Variants in NUMB observed in about 807,000 individuals in gnomAD.
The protein encoded by NUMB is NUMB endocytic adaptor protein.
Under a neutral mutation model 59.7 loss-of-function variants are expected in NUMB, and 29 were observed. The observed-to-expected ratio is 0.49, with a 90% CI of 0.36 to 0.66. The LOEUF (loss-of-function observed/expected upper bound fraction) is 0.66. NUMB is among the 30% of genes least tolerant of loss of function. NUMB has a pLI of 0.00. For missense variants in NUMB, 723 were observed against 822.0 expected (o/e 0.88, Z 1.47); for synonymous variants, 288 against 288.2 (o/e 1.00, Z 0.01).
At chr14:73,379,205 C>G (rs774263703) in intron 2 of NUMB, among the ~76,000 whole-genome samples, 3 of 152,174 alleles carry the variant, frequency 2.0e-5, no homozygotes, top group Admixed American at 2.0e-4. Flanking sequence ...TATCAAAAAT[C>G]ATTTCTCAAA....
intron 3 of NUMB, among the ~76,000 whole-genome samples, chr14:73,360,162 T>C (rs1894031266): frequency 6.6e-6 from 1 of 152,276 alleles, no homozygotes; most frequent in African/African-American, 2.4e-5. Flanking sequence ...ACTCTCACTA[T>C]TCAGTGAGTC....
intron 1 of NUMB, among the ~76,000 whole-genome samples, chr14:73,426,940 G>A (rs1043470835): frequency 3.3e-5 from 5 of 152,124 alleles, no homozygotes; most frequent in African/African-American, 1.2e-4. Context: ...CTTGAGTCTG[G>A]GAGGTCCGGG....
intron 4 of NUMB, among the ~76,000 whole-genome samples, chr14:73,351,019 G>A (rs755894054): frequency 1.8e-4 from 28 of 152,076 alleles, no homozygotes; most frequent in Non-Finnish European, 3.5e-4. Context: ...GTGCTTTTCT[G>A]GGTTGGAGTT....
At chr14:73,313,789 C>G (rs1354222118) in intron 6 of NUMB, among the ~76,000 whole-genome samples, 1 of 149,924 alleles carries the variant, frequency 6.7e-6, no homozygotes, top group African/African-American at 2.4e-5. Context: ...TAGTTTGAAC[C>G]ACTAAAAAAG....
chr14:73,276,859 G>A lies in NUMB; in HGVS notation c.1675C>T (p.Gln559Ter). 6.2e-7 allele frequency: 1 copy of A among 1,614,106 alleles called. No homozygotes were observed. The highest frequency in any genetic ancestry group is 8.5e-7 in the Non-Finnish European group (1 of 1,179,990). ...HPHQSPSLVR[Q>*]QTFPHYEASS... is the part of the protein sequence containing the mutation. ...GCCTCGTAGTGAGGGAATGTCTGCT[G>A]CCTGACCAGGCTGGGTGACTGATGG... Residue 559 changes from glutamine (Q) to a stop codon, truncating the protein, a stop_gained, in exon 13 of 13, where the codon CAG becomes TAG. Transcript: ENST00000555238. LOFTEE classifies it high-confidence loss of function.
intron 2 of NUMB, among the ~76,000 whole-genome samples, chr14:73,375,785 T>C (rs1424522229): frequency 6.6e-6 from 1 of 152,198 alleles, no homozygotes; most frequent in Admixed American, 6.5e-5. Flanking sequence ...ATCCATCATA[T>C]TAACAGGCTA....
At chr14:73,449,606 C>A (rs1384472420) in intron 1 of NUMB, among the ~76,000 whole-genome samples, 1 of 152,172 alleles carries the variant, frequency 6.6e-6, no homozygotes, top group Non-Finnish European at 1.5e-5. Context: ...ATATTAGCTT[C>A]ATTTACCCCA....
rs181609352 is a variant in NUMB, at chr14:73,376,004, A to C, written c.-100-9023T>G. Among the ~76,000 whole-genome samples the C allele has an allele frequency of 4.1e-4, 62 of 152,324 alleles. 1 individual carries two copies. The highest frequency in any genetic ancestry group is 1.4e-3 in the African/African-American group (60 of 41,566). On this transcript the variant is annotated intron_variant, in intron 2 of 12. Transcript: ENST00000555238. ...CCTTCCCATTAAGATCAAGAACAAG[A>C]AAAGGATGTCTCCTCCCATCATTCC...
chr14:73,323,183 C>T lies in NUMB; in HGVS notation c.148G>A (p.Asp50Asn). The T allele has an allele frequency of 6.2e-7, 1 of 1,613,264 alleles. No individual in the cohort carries two copies. Among genetic ancestry groups the T allele is most frequent in the Non-Finnish European group, 8.5e-7 (1 of 1,179,328 alleles). ...CAGATGTGCATTCCTCTTGATTCAT[C>T]AACTTCTACATGGCCAAGGTACTGT... is the stretch of plus-strand genomic sequence containing the variant. ...PVKYLGHVEVDESRGMHICED... is the reference protein window; with the variant it reads ...PVKYLGHVEVNESRGMHICED... The change falls in exon 5 of 13, where the codon GAT (aspartate) becomes AAT (asparagine). Residue 50 changes from aspartate (D) to asparagine (N), a missense_variant. Coordinates refer to ENST00000555238, the MANE Select transcript of NUMB (RefSeq NM_001005743.2).
intron 2 of NUMB, among the ~76,000 whole-genome samples, chr14:73,382,852 A>C (rs1895315822): frequency 6.6e-6 from 1 of 152,214 alleles, no homozygotes; most frequent in Non-Finnish European, 1.5e-5. Flanking sequence ...CAATAGGAAA[A>C]GATCAAATAG....
chr14:73,388,206 T>C (rs1895655715), intron 2 of NUMB, among the ~76,000 whole-genome samples: 1 of 152,170 alleles, frequency 6.6e-6, no homozygotes, highest in Non-Finnish European at 1.5e-5. Context: ...TATTGAACAT[T>C]TTCGTTTCAG....
At chr14:73,340,314 C>T (rs1892562845) in intron 4 of NUMB, among the ~76,000 whole-genome samples, 1 of 152,194 alleles carries the variant, frequency 6.6e-6, no homozygotes, top group South Asian at 2.1e-4. Flanking sequence ...AGCTTCCCCA[C>T]CTGACAAACG....
At chr14:73,436,499 T>C (rs112054938) in intron 1 of NUMB, among the ~76,000 whole-genome samples, 255 of 152,188 alleles carry the variant, frequency 1.7e-3, no homozygotes, top group African/African-American at 6.0e-3. Context: ...TTTGTATTTT[T>C]AGTAAAGACA....
At chr14:73,390,539 C>G (rs991048899) in intron 2 of NUMB, among the ~76,000 whole-genome samples, 4 of 151,822 alleles carry the variant, frequency 2.6e-5, no homozygotes, top group East Asian at 1.9e-4. Flanking sequence ...ATGTTCCCCC[C>G]ACTGTTTCCC....
chr14:73,283,918 C>T (rs578256713), intron 10 of NUMB, among the ~76,000 whole-genome samples, 163 bp downstream of exon 10: 1 of 152,308 alleles, frequency 6.6e-6, no homozygotes, highest in African/African-American at 2.4e-5. Flanking sequence ...TCCCCCTCCA[C>T]GGACCTTAGT....
intron 1 of NUMB, among the ~76,000 whole-genome samples, chr14:73,448,061 T>C (rs949067709): frequency 6.6e-6 from 1 of 152,154 alleles, no homozygotes; most frequent in African/African-American, 2.4e-5. Flanking sequence ...CCTCCCAAAC[T>C]GCTGGGATTA....
rs534936918 is a variant in NUMB at position 73,322,983 on chromosome 14, G to A, written c.201+147C>T. On this transcript the variant is annotated intron_variant, in intron 5 of 12. Coordinates refer to ENST00000555238, the MANE Select transcript of NUMB (RefSeq NM_001005743.2). The stretch of plus-strand genomic sequence containing the variant: ...TAGGATTACAGGAGTGAGCCACCGC[G>A]CTTGGCTGAGATGCTCCTTATTAGC... The A allele has an allele frequency of 1.5e-4, 88 of 599,990 alleles. 1 individual carries two copies. The highest frequency in any genetic ancestry group is 1.4e-4 in the Non-Finnish European group (48 of 343,710). 37.2% of individuals were successfully genotyped at this position (599,990 alleles called of 1,614,324 possible). A position where few individuals can be genotyped will look rare whatever the true frequency, so the allele number is the denominator to read the frequency against.
chr14:73,318,497 A>G (rs1279230502), intron 5 of NUMB, among the ~76,000 whole-genome samples: 1 of 152,252 alleles, frequency 6.6e-6, no homozygotes, highest in Non-Finnish European at 1.5e-5. Flanking sequence ...AGAGGGAGAG[A>G]CATTTAAGAA....
In NUMB at chr14:73,276,426, C is replaced by G; in HGVS notation, c.*152G>C. 1 of 602,878 alleles carries G rather than the reference C, an allele frequency of 1.7e-6. No individual in the cohort carries two copies. The highest frequency in any genetic ancestry group is 2.8e-5 in the East Asian group (1 of 35,612). 37.3% of individuals were successfully genotyped at this position (602,878 alleles called of 1,614,324 possible). On this transcript the variant is annotated 3_prime_UTR_variant, in exon 13 of 13. Transcript: ENST00000555238. ...TTTTCCCATGTCTTTCAAAATCACC[C>G]CTCACAGTACTCTGGGCCTGGACTT...
Sources: allele counts gnomAD v4.1 joint callset (sites outside exome capture counted in the v4.1 genomes callset), GRCh38; gene constraint gnomAD v4.1.1; transcripts MANE v1.5; gene names NCBI Gene and HGNC (gene_info 2026-07-23, HGNC 2026-07-21).